Variants in MAPK10 observed in about 807,000 individuals in gnomAD.
MAPK10 encodes the protein JNK3 alpha protein kinase.
In MAPK10, 25 loss-of-function variants were observed where a neutral mutation model predicts 59.3. The ratio of observed to expected loss-of-function variants is 0.42; its 90% CI spans 0.31 to 0.59. The LOEUF is 0.59. Ranked by LOEUF, MAPK10 falls within the 20% of genes least tolerant of loss-of-function variation. The pLI, the probability that MAPK10 is intolerant of heterozygous loss-of-function variation, is 0.15. For missense variants in MAPK10, 351 were observed against 568.9 expected, an observed-to-expected ratio of 0.62 and a Z score of 3.90; for synonymous variants, 190 against 200.5, an observed-to-expected ratio of 0.95 and a Z score of 0.44.
At chr4:86,210,870 A>G (rs2149352802) in intron 2 of MAPK10, among the ~76,000 whole-genome samples, 1 of 151,894 alleles carries the variant, frequency 6.6e-6, no homozygotes, top group Admixed American at 6.6e-5. Flanking sequence ...TAACAATAAA[A>G]ATATTAATAA....
chr4:86,261,820 G>GA (rs1178465342), intron 2 of MAPK10, among the ~76,000 whole-genome samples: 1 of 152,188 alleles, frequency 6.6e-6, no homozygotes, highest in Non-Finnish European at 1.5e-5. Context: ...GCTGCTCTGA[G>GA]AATCATTCTT....
upstream of MAPK10, among the ~76,000 whole-genome samples, chr4:86,364,330 T>G (rs1347509765): frequency 6.6e-6 from 1 of 152,034 alleles, no homozygotes; most frequent in African/African-American, 2.4e-5. Flanking sequence ...GGTTTCACCA[T>G]GTTGCCCAGG....
chr4:86,333,932 G>T (rs755536472), intron 2 of MAPK10, among the ~76,000 whole-genome samples: 1 of 151,818 alleles, frequency 6.6e-6, no homozygotes, highest in African/African-American at 2.4e-5. Flanking sequence ...CTCCTTCTCT[G>T]GTCACTTCTT....
chr4:86,127,560 C>T (rs1227903646), intron 4 of MAPK10: 1 of 151,842 alleles, frequency 6.6e-6, no homozygotes, highest in East Asian at 1.9e-4. Context: ...TTCCCCATAA[C>T]ACTTCATCTT....
chr4:86,021,950 C>A (rs1747272005), intron 13 of MAPK10, among the ~76,000 whole-genome samples: 1 of 152,258 alleles, frequency 6.6e-6, no homozygotes, highest in Non-Finnish European at 1.5e-5. Context: ...AGCTGGCCCG[C>A]AAGCGCCGCA....
intron 1 of MAPK10, among the ~76,000 whole-genome samples, chr4:86,579,172 C>T (rs1298837186): frequency 6.6e-6 from 1 of 152,150 alleles, no homozygotes; most frequent in Non-Finnish European, 1.5e-5. Context: ...ACTACTACAG[C>T]AGTACATTGG....
At chr4:86,291,793 G>C (rs893244421) in intron 2 of MAPK10, among the ~76,000 whole-genome samples, 1 of 152,168 alleles carries the variant, frequency 6.6e-6, no homozygotes, top group East Asian at 1.9e-4. Context: ...AGGAAAAAAT[G>C]ACTCATTTTG....
At chr4:86,173,223 C>A (rs1239111715) in intron 3 of MAPK10, among the ~76,000 whole-genome samples, 4 of 152,144 alleles carry the variant, frequency 2.6e-5, no homozygotes. Context: ...TCAAACTATA[C>A]TACAAGGCTG....
intron 9 of MAPK10, among the ~76,000 whole-genome samples, chr4:86,078,121 T>C (rs1173415398): frequency 6.6e-6 from 1 of 152,218 alleles, no homozygotes; most frequent in Non-Finnish European, 1.5e-5. Context: ...ACACCAGTGG[T>C]AATTGTAATC....
intron 3 of MAPK10, among the ~76,000 whole-genome samples, chr4:86,174,888 T>C (rs2149268455): frequency 6.6e-6 from 1 of 152,274 alleles, no homozygotes; most frequent in Admixed American, 6.5e-5. Flanking sequence ...AATGCAAAGC[T>C]CCTGACCTCA....
intron 1 of MAPK10, among the ~76,000 whole-genome samples, chr4:86,545,014 G>A (rs1039318691): frequency 1.3e-5 from 2 of 152,044 alleles, no homozygotes; most frequent in South Asian, 2.1e-4. Flanking sequence ...AAGGAAGAAA[G>A]CAATGGCATG....
intron 1 of MAPK10, among the ~76,000 whole-genome samples, chr4:86,356,254 T>C (rs888791398): frequency 1.3e-5 from 2 of 152,210 alleles, no homozygotes; most frequent in Non-Finnish European, 2.9e-5. Flanking sequence ...AAAACTTCAA[T>C]TTCCATTCCT....
chr4:86,392,155 A>G (rs1400389089), intron 1 of MAPK10, among the ~76,000 whole-genome samples: 4 of 152,116 alleles, frequency 2.6e-5, no homozygotes, highest in Non-Finnish European at 1.5e-5. Flanking sequence ...GATTCAGCGT[A>G]TGGCCAGGCG....
intron 2 of MAPK10, among the ~76,000 whole-genome samples, chr4:86,230,963 T>C (rs1301495533): frequency 6.6e-6 from 1 of 152,214 alleles, no homozygotes; most frequent in Non-Finnish European, 1.5e-5. Flanking sequence ...AGACCGGGGA[T>C]AACTGGAAAA....
Position 86,553,851 on chromosome 4 carries a change from A to C in MAPK10, c.-263+40059T>G, listed in dbSNP as rs1578100573. 3.3e-5 allele frequency among the ~76,000 whole-genome samples: 5 copies of C among 150,388 alleles called. No individual in the cohort carries two copies. The Middle Eastern group carries it at 0.014, about 424-fold the overall frequency. On this transcript the variant is annotated intron_variant, in intron 1 of 4. Transcript: ENST00000502302. ...CCTTCTACTTCTCTAAGTGCCCCAC[A>C]GTTTTCTTTAATAGTTCCTTCTCTT...
intron 4 of MAPK10, among the ~76,000 whole-genome samples, chr4:86,110,970 A>G (rs2057385750): frequency 6.6e-6 from 1 of 151,858 alleles, no homozygotes; most frequent in Non-Finnish European, 1.5e-5. Flanking sequence ...ATTCCTAGGT[A>G]TTTTATTCTC....
chr4:86,301,909 T>G (rs1384596158), intron 2 of MAPK10, among the ~76,000 whole-genome samples: 1 of 152,212 alleles, frequency 6.6e-6, no homozygotes, highest in African/African-American at 2.4e-5. Context: ...GCTTAGCTTT[T>G]TTCTGTATTC....
chr4:86,061,601 A>G (rs1003092990), intron 11 of MAPK10, among the ~76,000 whole-genome samples: 3 of 152,164 alleles, frequency 2.0e-5, no homozygotes, highest in Non-Finnish European at 4.4e-5. Flanking sequence ...GGGAAACATG[A>G]TAAGATAGCT....
At chr4:86,571,717 A>T (rs1348619192) in intron 1 of MAPK10, among the ~76,000 whole-genome samples, 1 of 152,124 alleles carries the variant, frequency 6.6e-6, no homozygotes, top group African/African-American at 2.4e-5. Flanking sequence ...TGGGCTGCCA[A>T]AGATACGGTT....
Sources: gnomAD v4.1 joint callset for allele counts (sites outside exome capture counted in the v4.1 genomes callset) on GRCh38, gnomAD v4.1.1 for gene constraint, MANE v1.5 for transcripts, NCBI Gene and HGNC (gene_info 2026-07-23, HGNC 2026-07-21) for gene names.